TEX11: variants seen among roughly 807,000 people sequenced by gnomAD.
The protein encoded by TEX11 is testis-expressed protein 11.
In TEX11, 7 loss-of-function variants were observed where a neutral mutation model predicts 84.4. That is an observed-to-expected ratio of 0.08 (90% CI 0.05 to 0.16). TEX11 has a LOEUF of 0.16. Ranked by LOEUF, TEX11 falls within the 10% of genes least tolerant of loss-of-function variation. The pLI is 1.00. For missense variants in TEX11, 551 were observed against 660.5 expected (o/e 0.83, Z 1.82); for synonymous variants, 264 against 222.8 (o/e 1.18, Z -1.64).
chrX:70,705,454 C>T (rs2090364757), intron 13 of TEX11, among the ~76,000 whole-genome samples: 1 of 111,505 alleles, frequency 9.0e-6, no homozygotes, highest in African/African-American at 3.3e-5. Context: ...CCAAAAGTGA[C>T]AAATGGGATC....
intron 16 of TEX11, among the ~76,000 whole-genome samples, chrX:70,660,367 T>A (rs1357126076): frequency 8.9e-6 from 1 of 112,883 alleles, no homozygotes; most frequent in African/African-American, 3.2e-5. Flanking sequence ...AAAAAACTTT[T>A]TAAGTATTTT....
chrX:70,607,440 ACAAAC>A (rs951026251), intron 22 of TEX11, among the ~76,000 whole-genome samples: 8 of 111,062 alleles, frequency 7.2e-5, no homozygotes, highest in African/African-American at 2.6e-4. Flanking sequence ...AAATTAAAAA[ACAAAC>A]CAAAACAAAA....
chrX:70,590,682 T>C (rs1011713302), intron 25 of TEX11, among the ~76,000 whole-genome samples: 2 of 112,207 alleles, frequency 1.8e-5, no homozygotes, highest in African/African-American at 6.5e-5. Flanking sequence ...CAAGATATTA[T>C]ATAACTTCCA....
intron 11 of TEX11, among the ~76,000 whole-genome samples, chrX:70,726,443 T>C (rs2090600263): frequency 8.9e-6 from 1 of 112,103 alleles, no homozygotes. Flanking sequence ...GCCTGCTAAA[T>C]CCATCAGCTT....
chrX:70,663,088 GT>G (rs2089945563), intron 16 of TEX11, among the ~76,000 whole-genome samples: 1 of 111,530 alleles, frequency 9.0e-6, no homozygotes, highest in Non-Finnish European at 1.9e-5. Context: ...AATGAGCCTA[GT>G]CCCCCACAAA....
At chrX:70,695,034 A>G (rs899621228) in intron 13 of TEX11, among the ~76,000 whole-genome samples, 2 of 112,021 alleles carry the variant, frequency 1.8e-5, no homozygotes, top group Non-Finnish European at 3.8e-5. Context: ...GCCACATTGG[A>G]GAACAAATTT....
chrX:70,632,279 G>A lies in TEX11; in HGVS notation c.1484-2544C>T, dbSNP rs188694347. ...TCACCTTTAGAAATAAGAAGAAGTA[G>A]AGCAAATGGAACTCAAAGAAAGCAG... is the stretch of plus-strand genomic sequence containing the variant. On this transcript the variant is annotated intron_variant, in intron 17 of 29. Transcript: ENST00000374333. Among the ~76,000 whole-genome samples, 175 of 111,342 alleles carry A rather than the reference G, an allele frequency of 1.6e-3. 2 individuals are homozygous for A. The highest frequency in any genetic ancestry group is 2.0e-3 in the Non-Finnish European group (108 of 53,064).
intron 13 of TEX11, among the ~76,000 whole-genome samples, chrX:70,687,024 C>T (rs73220885): frequency 0.11 from 12,633 of 111,059 alleles, 607 homozygotes; most frequent in Middle Eastern, 0.2. Context: ...TAAGTATTTC[C>T]TTAACTCTCT....
Position 70,572,191 on chromosome X carries a change from G to A in TEX11, c.2141-17391C>T, listed in dbSNP as rs182661634. ...CAACCCCATCAAAAAGTGGGCAAAGGATATGAACAGACACTTCTCAAAAGA... is the reference window on the plus strand; with the variant it reads ...CAACCCCATCAAAAAGTGGGCAAAGAATATGAACAGACACTTCTCAAAAGA... On this transcript the variant is annotated intron_variant, in intron 25 of 29. Coordinates refer to ENST00000374333, the MANE Select transcript of TEX11 (RefSeq NM_031276.3). Among the ~76,000 whole-genome samples the A allele has an allele frequency of 4.0e-3, 441 of 109,250 alleles. 2 individuals carry two copies. Among genetic ancestry groups the A allele is most frequent in the African/African-American group, 0.014 (430 of 30,209 alleles). The allele number at this position is 109,250 out of a possible 115,157, so 94.9% of individuals were successfully genotyped here. A position where few individuals can be genotyped will look rare whatever the true frequency, so the allele number is the denominator to read the frequency against.
At chrX:70,843,850 C>T (rs992105317) in intron 7 of TEX11, among the ~76,000 whole-genome samples, 5 of 111,936 alleles carry the variant, frequency 4.5e-5, no homozygotes, top group African/African-American at 6.5e-5. Flanking sequence ...AGCCAAAAAA[C>T]ACATGAAAAA....
chrX:70,586,763 A>C (rs1388620907), intron 25 of TEX11, among the ~76,000 whole-genome samples: 2 of 112,297 alleles, frequency 1.8e-5, no homozygotes, highest in African/African-American at 6.5e-5. Context: ...AATTGGTGCC[A>C]GTAGAGTGAG....
chrX:70,612,663 C>T (rs2089274946), intron 20 of TEX11, among the ~76,000 whole-genome samples: 1 of 110,399 alleles, frequency 9.1e-6, no homozygotes, highest in Non-Finnish European at 1.9e-5. Context: ...AAAAATAGAA[C>T]AGAATATCCA....
At chrX:70,650,229 A>G (rs1290675306) in intron 17 of TEX11, among the ~76,000 whole-genome samples, 1 of 111,244 alleles carries the variant, frequency 9.0e-6, no homozygotes, top group African/African-American at 3.3e-5. Flanking sequence ...TTCAAAACTC[A>G]GAATTTTTAA....
the TEX11 span, among the ~76,000 whole-genome samples, chrX:70,520,139 C>A: frequency 8.9e-6 from 1 of 112,121 alleles, no homozygotes; most frequent in East Asian, 2.8e-4. Context: ...AAGTCATTCT[C>A]TGTCCAGCTT....
chrX:70,844,313 G>C (rs1435068909), intron 7 of TEX11, among the ~76,000 whole-genome samples: 1 of 108,985 alleles, frequency 9.2e-6, no homozygotes, highest in Admixed American at 9.8e-5. Context: ...CCTTTGTAGG[G>C]ACATGGATGA....
rs753145914 is a variant in TEX11 at position 70,530,554 on chromosome X, C to T, written c.2521-555G>A. Among the ~76,000 whole-genome samples the T allele has an allele frequency of 1.6e-3, 175 of 112,034 alleles. 1 individual carries two copies. The highest frequency in any genetic ancestry group is 5.6e-3 in the African/African-American group (172 of 30,907). On this transcript the variant is annotated intron_variant, in intron 28 of 29. Coordinates refer to ENST00000374333, the MANE Select transcript of TEX11 (RefSeq NM_031276.3). The stretch of plus-strand genomic sequence containing the variant: ...ATGACTAATCACAAGATTATATTTG[C>T]TTCTTCACAATACTTTGCAATAGTG...
intron 9 of TEX11, among the ~76,000 whole-genome samples, chrX:70,800,237 A>C (rs1260060311): frequency 9.0e-6 from 1 of 110,801 alleles, no homozygotes; most frequent in Non-Finnish European, 1.9e-5. Flanking sequence ...ACTGAGGTCT[A>C]CTTGAGGGTG....
chrX:70,803,929 T>C (rs1379269978), intron 9 of TEX11, among the ~76,000 whole-genome samples: 1 of 112,092 alleles, frequency 8.9e-6, no homozygotes, highest in African/African-American at 3.2e-5. Context: ...AGGATAACTT[T>C]AGGCCAGAGT....
chrX:70,601,225 G>C (rs1405675999), intron 24 of TEX11, among the ~76,000 whole-genome samples: 47 of 68,919 alleles, frequency 6.8e-4, no homozygotes, highest in Non-Finnish European at 1.2e-3. Context: ...TACCATCAGA[G>C]AATACTACAA....
Sources: gnomAD v4.1 joint callset for allele counts (sites outside exome capture counted in the v4.1 genomes callset) on GRCh38, gnomAD v4.1.1 for gene constraint, MANE v1.5 for transcripts, NCBI Gene and HGNC (gene_info 2026-07-23, HGNC 2026-07-21) for gene names.